Variants in CDH12 observed in about 807,000 individuals in gnomAD.
CDH12 encodes cadherin 12.
Under a neutral mutation model 74.1 loss-of-function variants are expected in CDH12, and 41 were observed. The ratio of observed to expected loss-of-function variants is 0.55; its 90% CI spans 0.43 to 0.72. The LOEUF is 0.72. CDH12 is among the 30% of genes least tolerant of loss of function. CDH12 has a pLI of 0.00. For synonymous variants in CDH12, 399 were observed against 355.0 expected, an observed-to-expected ratio of 1.12 and a Z score of -1.39; for missense variants, 945 against 977.2, an observed-to-expected ratio of 0.97 and a Z score of 0.44.
At chr5:22,683,652 A>G (rs1741614358) in intron 1 of CDH12, among the ~76,000 whole-genome samples, 1 of 152,302 alleles carries the variant, frequency 6.6e-6, no homozygotes, top group South Asian at 2.1e-4. Flanking sequence ...ATAAATCAGC[A>G]TCTTTCCCTC....
At chr5:22,176,598 C>G (rs968319889) in intron 4 of CDH12, among the ~76,000 whole-genome samples, 1 of 152,130 alleles carries the variant, frequency 6.6e-6, no homozygotes, top group Non-Finnish European at 1.5e-5. Context: ...AATGTCTTTT[C>G]AATACTTGCA....
intron 6 of CDH12, among the ~76,000 whole-genome samples, chr5:21,866,669 T>TA (rs750595373): frequency 6.6e-6 from 1 of 152,162 alleles, no homozygotes; most frequent in Non-Finnish European, 1.5e-5. Context: ...AAGCAGAGCA[T>TA]AAAAGTTTGG....
chr5:22,434,201 T>C lies in CDH12; in HGVS notation c.-427-28850A>G, dbSNP rs113943716. 6.3e-3 allele frequency among the ~76,000 whole-genome samples: 961 copies of C among 152,206 alleles called. 11 individuals are homozygous for C. The highest frequency in any genetic ancestry group is 0.022 in the African/African-American group (919 of 41,546). ...AAAAATTGTTGACACAAGAACATAGTAAGTTGAATTTGGGGAAGTGTGAGG... is the reference window on the plus strand; with the variant it reads ...AAAAATTGTTGACACAAGAACATAGCAAGTTGAATTTGGGGAAGTGTGAGG... On this transcript the variant is annotated intron_variant, in intron 2 of 14. Transcript: ENST00000382254.
At position 22,128,626 on chromosome 5, in the gene CDH12, G is replaced by A. The variant is rs548589512; in HGVS notation, c.-186-49764C>T. Among the ~76,000 whole-genome samples, 3 of 152,072 alleles carry A rather than the reference G, an allele frequency of 2.0e-5. No individual in the cohort carries two copies. In the South Asian group the frequency reaches 6.3e-4, roughly 32 times the overall value. On this transcript the variant is annotated intron_variant, in intron 4 of 14. Transcript: ENST00000382254. Reference sequence around the variant, plus strand: ...AATTTTGATAAAAGAGAAATAACAGGAATAAAACAAAGCAGTATTTTTTAA... The same window carrying A: ...AATTTTGATAAAAGAGAAATAACAGAAATAAAACAAAGCAGTATTTTTTAA...
chr5:22,681,131 C>A (rs191945114), intron 1 of CDH12, among the ~76,000 whole-genome samples: 1 of 150,950 alleles, frequency 6.6e-6, no homozygotes, highest in Admixed American at 6.6e-5. Flanking sequence ...AGAAAATAAC[C>A]AAAATTTTAT....
At chr5:22,431,534 G>A (rs186049994) in intron 2 of CDH12, among the ~76,000 whole-genome samples, 22 of 152,334 alleles carry the variant, frequency 1.4e-4, no homozygotes, top group Admixed American at 1.3e-3. Context: ...AAGTATTTTA[G>A]AGTGGACTCC....
At chr5:22,833,415 C>A (rs971586884) in intron 1 of CDH12, among the ~76,000 whole-genome samples, 12 of 152,106 alleles carry the variant, frequency 7.9e-5, no homozygotes, top group African/African-American at 2.7e-4. Flanking sequence ...GTTTAAAATG[C>A]AAACTATGCA....
chr5:22,065,141 T>G (rs1231173433), intron 5 of CDH12, among the ~76,000 whole-genome samples: 1 of 152,126 alleles, frequency 6.6e-6, no homozygotes, highest in Non-Finnish European at 1.5e-5. Flanking sequence ...GACTGCTGAG[T>G]CTTCCCAGGA....
At chr5:22,081,717 C>T (rs1384394913) in intron 4 of CDH12, among the ~76,000 whole-genome samples, 1 of 152,136 alleles carries the variant, frequency 6.6e-6, no homozygotes. Context: ...GGACATATGA[C>T]AACATTCATC....
chr5:22,348,085 G>A (rs1160164522), intron 3 of CDH12, among the ~76,000 whole-genome samples: 1 of 152,174 alleles, frequency 6.6e-6, no homozygotes, highest in Admixed American at 6.6e-5. Flanking sequence ...TGTTATTATG[G>A]AGAAGGTCAT....
intron 10 of CDH12, among the ~76,000 whole-genome samples, chr5:21,791,160 C>T (rs1746475809): frequency 6.6e-6 from 1 of 152,040 alleles, no homozygotes; most frequent in African/African-American, 2.4e-5. Context: ...AATACTAGCT[C>T]CTGGCATCTT....
intron 11 of CDH12, among the ~76,000 whole-genome samples, chr5:21,766,079 A>T (rs17839329): frequency 0.031 from 4,751 of 152,132 alleles, 91 homozygotes; most frequent in Middle Eastern, 0.058. Context: ...TCTTCTGCAA[A>T]GCCACCAAAG....
chr5:22,021,563 A>G (rs898851906), intron 5 of CDH12, among the ~76,000 whole-genome samples: 1 of 152,218 alleles, frequency 6.6e-6, no homozygotes, highest in Non-Finnish European at 1.5e-5. Context: ...TGTGATACAC[A>G]TTCATTAGAA....
chr5:22,630,306 G>T (rs1738517518), intron 1 of CDH12, among the ~76,000 whole-genome samples: 1 of 151,912 alleles, frequency 6.6e-6, no homozygotes. Flanking sequence ...AATAGCCAAA[G>T]CAATCCTAAG....
At chr5:21,812,644 T>A (rs1344635740) in intron 9 of CDH12, among the ~76,000 whole-genome samples, 1 of 152,192 alleles carries the variant, frequency 6.6e-6, no homozygotes, top group Non-Finnish European at 1.5e-5. Context: ...TTTTCTCACA[T>A]TTTTATTAAG....
intron 2 of CDH12, among the ~76,000 whole-genome samples, chr5:22,448,157 C>CAA (rs756574776): frequency 1.0e-5 from 1 of 96,180 alleles, no homozygotes; most frequent in African/African-American, 3.8e-5. Flanking sequence ...GACCCTGTGT[C>CAA]AAAAAAAAAA....
At chr5:22,100,615 C>T (rs143688216) in intron 4 of CDH12, among the ~76,000 whole-genome samples, 2 of 150,942 alleles carry the variant, frequency 1.3e-5, no homozygotes, top group African/African-American at 4.9e-5. Flanking sequence ...TTACCAGTGT[C>T]ACTATGGCTC....
chr5:22,588,857 G>A (rs1740540610), intron 1 of CDH12, among the ~76,000 whole-genome samples: 1 of 151,790 alleles, frequency 6.6e-6, no homozygotes, highest in Admixed American at 6.6e-5. Flanking sequence ...AATAAGCCCT[G>A]CCCCTGCAGT....
intron 7 of CDH12, among the ~76,000 whole-genome samples, chr5:21,852,936 T>C (rs1260049628): frequency 6.6e-6 from 1 of 151,390 alleles, no homozygotes; most frequent in Non-Finnish European, 1.5e-5. Context: ...AAATAACCCA[T>C]AGTGGCCCCA....
Sources: allele counts gnomAD v4.1 joint callset (sites outside exome capture counted in the v4.1 genomes callset), GRCh38; gene constraint gnomAD v4.1.1; transcripts MANE v1.5; gene names NCBI Gene and HGNC (gene_info 2026-07-23, HGNC 2026-07-21).